Variants in SGCD observed in about 807,000 individuals in gnomAD.
SGCD encodes the protein delta-sarcoglycan.
SGCD carries 18 observed loss-of-function variants against 36.6 expected under a neutral mutation model. That is an observed-to-expected ratio of 0.49 (90% CI 0.34 to 0.73). SGCD has a LOEUF of 0.73. SGCD is among the 30% of genes least tolerant of loss of function. SGCD has a pLI of 0.01. For synonymous variants in SGCD, 133 were observed against 130.6 expected (o/e 1.02, Z -0.12); for missense variants, 387 against 346.7 (o/e 1.12, Z -0.92).
intron 3 of SGCD, among the ~76,000 whole-genome samples, chr5:156,221,855 CAAAGAGGTTAAATA>C: frequency 6.6e-6 from 1 of 151,950 alleles, no homozygotes; most frequent in Non-Finnish European, 1.5e-5. Context: ...ACTTAAGTTT[CAAAGAGGTTAAATA>C]ACTTGCTGAG....
At chr5:156,309,641 C>T (rs1372858312) in intron 3 of SGCD, among the ~76,000 whole-genome samples, 2 of 147,722 alleles carry the variant, frequency 1.4e-5, no homozygotes, top group Non-Finnish European at 3.0e-5. Context: ...CGCACTGTCG[C>T]CTGGGCTGGA....
intron 3 of SGCD, among the ~76,000 whole-genome samples, chr5:156,372,960 A>C (rs911893046): frequency 1.3e-5 from 2 of 148,996 alleles, no homozygotes; most frequent in African/African-American, 2.6e-5. Flanking sequence ...CTGAGATGCC[A>C]TAATGAAGAT....
chr5:156,503,372 G>A (rs987005158), intron 3 of SGCD, among the ~76,000 whole-genome samples: 4 of 152,090 alleles, frequency 2.6e-5, no homozygotes, highest in Non-Finnish European at 2.9e-5. Flanking sequence ...GTTGTAGTTA[G>A]GATCCCTTCG....
intron 3 of SGCD, among the ~76,000 whole-genome samples, chr5:156,395,440 T>C (rs1241694193): frequency 1.3e-5 from 2 of 152,242 alleles, no homozygotes; most frequent in Non-Finnish European, 2.9e-5. Context: ...GCTTCCTGGA[T>C]TGTCAGTAGA....
intron 1 of SGCD, among the ~76,000 whole-genome samples, chr5:155,920,197 T>C (rs1170930805): frequency 6.6e-6 from 1 of 152,086 alleles, no homozygotes. Context: ...GGAGAGGAGA[T>C]TTTTTCCTAA....
At chr5:155,926,804 A>T (rs1757005344) in intron 1 of SGCD, among the ~76,000 whole-genome samples, 2 of 152,220 alleles carry the variant, frequency 1.3e-5, no homozygotes, top group African/African-American at 4.8e-5. Flanking sequence ...GGTGGGAAGA[A>T]ATTTACAATA....
At chr5:156,013,764 CTTAATT>C (rs1209799234) in intron 1 of SGCD, among the ~76,000 whole-genome samples, 3 of 151,322 alleles carry the variant, frequency 2.0e-5, no homozygotes, top group Non-Finnish European at 2.9e-5. Flanking sequence ...CTAATGTGTC[CTTAATT>C]TTATTTATGG....
intron 3 of SGCD, among the ~76,000 whole-genome samples, chr5:156,300,786 G>A (rs1475130848): frequency 6.6e-6 from 1 of 152,044 alleles, no homozygotes; most frequent in African/African-American, 2.4e-5. Context: ...TTGTATATCT[G>A]AGCGCTCCAT....
At chr5:155,928,514 A>C (rs1757036195) in intron 1 of SGCD, among the ~76,000 whole-genome samples, 1 of 151,984 alleles carries the variant, frequency 6.6e-6, no homozygotes, top group African/African-American at 2.4e-5. Context: ...CTAAAAATAT[A>C]AAAATTAGCT....
intron 3 of SGCD, among the ~76,000 whole-genome samples, chr5:156,441,989 A>G (rs1055625830): frequency 2.6e-5 from 4 of 152,178 alleles, no homozygotes; most frequent in Admixed American, 6.6e-5. Flanking sequence ...GGAAGGAGGT[A>G]GCAGGCAGCT....
At chr5:156,730,981 A>G (rs1756031252) in intron 7 of SGCD, among the ~76,000 whole-genome samples, 1 of 151,956 alleles carries the variant, frequency 6.6e-6, no homozygotes, top group African/African-American at 2.4e-5. Flanking sequence ...TTGGATTTGC[A>G]TTTCTCTGAT....
chr5:156,487,270 A>G (rs1755718323), intron 3 of SGCD, among the ~76,000 whole-genome samples: 1 of 152,218 alleles, frequency 6.6e-6, no homozygotes, highest in South Asian at 2.1e-4. Flanking sequence ...AAGAAATCAT[A>G]TAGAGATCAC....
chr5:156,688,593 C>T (rs1353479512), intron 7 of SGCD, among the ~76,000 whole-genome samples: 1 of 152,132 alleles, frequency 6.6e-6, no homozygotes, highest in East Asian at 1.9e-4. Context: ...CTTCAGAAGG[C>T]TCGCAGGTAG....
At chr5:156,293,067 GT>G (rs377316004) in intron 3 of SGCD, among the ~76,000 whole-genome samples, 4 of 150,080 alleles carry the variant, frequency 2.7e-5, no homozygotes, top group Non-Finnish European at 5.9e-5. Context: ...TTTCTTTTCT[GT>G]TTTTTTTTAG....
intron 1 of SGCD, among the ~76,000 whole-genome samples, chr5:155,981,387 T>C (rs954292375): frequency 1.3e-5 from 2 of 152,140 alleles, no homozygotes; most frequent in African/African-American, 4.8e-5. Flanking sequence ...GCTTGGAATC[T>C]ATAGTATAGC....
intron 7 of SGCD, among the ~76,000 whole-genome samples, chr5:156,756,451 G>C (rs1757337835): frequency 6.6e-6 from 1 of 152,126 alleles, no homozygotes; most frequent in African/African-American, 2.4e-5. Flanking sequence ...GAGGCCAGAG[G>C]ATCACTTAAG....
Position 155,975,196 on chromosome 5 carries a change from G to A in SGCD, c.-282+104772G>A, listed in dbSNP as rs372133389. Among the ~76,000 whole-genome samples the A allele has an allele frequency of 1.2e-4, 19 of 152,246 alleles. No individual in the cohort carries two copies. The South Asian group carries it at 2.1e-3, about 17-fold the overall frequency. On this transcript the variant is annotated intron_variant, in intron 1 of 9. Coordinates refer to the SGCD transcript ENST00000517913. ...CAATATCAGTGTCATCATCATCACCGTTATCACAATCTGCACCATCATCAC... is the reference window on the plus strand; with the variant it reads ...CAATATCAGTGTCATCATCATCACCATTATCACAATCTGCACCATCATCAC...
At chr5:156,419,951 G>T (rs1397366546) in intron 3 of SGCD, among the ~76,000 whole-genome samples, 3 of 152,062 alleles carry the variant, frequency 2.0e-5, no homozygotes, top group Admixed American at 2.0e-4. Flanking sequence ...CAGGGTAACT[G>T]TATACCAGTG....
intron 3 of SGCD, among the ~76,000 whole-genome samples, chr5:156,253,581 G>C (rs1057096729): frequency 1.3e-5 from 2 of 152,072 alleles, no homozygotes; most frequent in South Asian, 4.1e-4. Flanking sequence ...TCCTATCGCC[G>C]TATAACTTCC....
Sources: gnomAD v4.1 joint callset for allele counts (sites outside exome capture counted in the v4.1 genomes callset) on GRCh38, gnomAD v4.1.1 for gene constraint, MANE v1.5 for transcripts, NCBI Gene and HGNC (gene_info 2026-07-23, HGNC 2026-07-21) for gene names.